Variants in SLC12A9 observed in about 807,000 individuals in gnomAD.
The protein encoded by SLC12A9 is solute carrier family 12 member 9.
SLC12A9 carries 55 observed loss-of-function variants against 66.0 expected under a neutral mutation model. That is an observed-to-expected ratio of 0.83 (90% CI 0.67 to 1.04). The LOEUF (loss-of-function observed/expected upper bound fraction) is 1.04, where lower values mean the gene tolerates loss of function less well. Among genes scored for constraint, SLC12A9 ranks in the 50% least tolerant of loss-of-function variants. The pLI is 0.00. For synonymous variants in SLC12A9, 577 were observed against 569.0 expected (o/e 1.01, Z -0.20); for missense variants, 1,061 against 1,241.9 (o/e 0.85, Z 2.19).
At chr7:100,837,681 A>G (rs1813689678) in intron 1 of SLC12A9, 2 of 152,104 alleles carry the variant, frequency 1.3e-5, no homozygotes, top group Admixed American at 1.3e-4. Context: ...TTTTTTTGAG[A>G]CAGGATCTCT....
At chr7:100,836,093 C>G (rs74579217) in intron 1 of SLC12A9, among the ~76,000 whole-genome samples, 3 of 152,218 alleles carry the variant, frequency 2.0e-5, no homozygotes, top group African/African-American at 7.2e-5. Flanking sequence ...CAAGCCCCCC[C>G]ATGCCAGCAG....
intron 1 of SLC12A9, among the ~76,000 whole-genome samples, chr7:100,845,331 T>C (rs1321842691): frequency 6.6e-6 from 1 of 150,878 alleles, no homozygotes; most frequent in Admixed American, 6.7e-5. Flanking sequence ...GTTGTGTTAT[T>C]GGCGCTATTT....
intron 1 of SLC12A9, chr7:100,837,542 G>C (rs1049456927): frequency 6.6e-6 from 1 of 152,246 alleles, no homozygotes; most frequent in Non-Finnish European, 1.5e-5. Flanking sequence ...CCAGGCCTCC[G>C]ACTGCTGGCG....
chr7:100,831,090 G>A (rs1813534804), intron 1 of SLC12A9, among the ~76,000 whole-genome samples: 1 of 152,220 alleles, frequency 6.6e-6, no homozygotes, highest in South Asian at 2.1e-4. Flanking sequence ...TCCCAGCCCA[G>A]AGCAATATAC....
chr7:100,831,645 T>A (rs574724527), intron 1 of SLC12A9, among the ~76,000 whole-genome samples: 1 of 152,324 alleles, frequency 6.6e-6, no homozygotes, highest in South Asian at 2.1e-4. Context: ...CTAATAAGTT[T>A]ACTTTTTCTT....
intron 1 of SLC12A9, among the ~76,000 whole-genome samples, chr7:100,846,349 G>C (rs536929962): frequency 3.3e-5 from 5 of 151,980 alleles, no homozygotes; most frequent in Non-Finnish European, 7.4e-5. Flanking sequence ...GGTGGATCAC[G>C]AGGTCAGGAG....
chr7:100,843,720 C>CT (rs1231337479), intron 1 of SLC12A9, among the ~76,000 whole-genome samples: 1 of 152,206 alleles, frequency 6.6e-6, no homozygotes, highest in Non-Finnish European at 1.5e-5. Flanking sequence ...ACTTGAATGA[C>CT]TACCAAAGGA....
At chr7:100,851,756 A>G (rs930897919), upstream of SLC12A9, among the ~76,000 whole-genome samples, 1 of 138,770 alleles carries the variant, frequency 7.2e-6, no homozygotes, top group African/African-American at 2.7e-5. Context: ...GCGCCACTGC[A>G]CTCCAGCCTG....
Position 100,858,482 on chromosome 7 carries a change from TGGCAGACTGA to T in SLC12A9, c.758-347_758-338del, listed in dbSNP as rs374963184. The T allele has an allele frequency of 3.3e-3, 644 of 196,992 alleles. 5 individuals carry two copies. The highest frequency in any genetic ancestry group is 0.014 in the African/African-American group (619 of 43,002). The allele number at this position is 196,992 out of a possible 1,614,324, so 12.2% of individuals were successfully genotyped here. A position where few individuals can be genotyped will look rare whatever the true frequency, so the allele number is the denominator to read the frequency against. ...GTGCACACCTGTAGTCCCAGCTACT[TGGCAGACTGA>T]GGCAGGAGGATCGCTCTAGCCCAGG... On this transcript the variant is annotated intron_variant, in intron 5 of 13. Transcript: ENST00000354161.
intron 1 of SLC12A9, among the ~76,000 whole-genome samples, chr7:100,846,770 C>T (rs1008811021): frequency 1.1e-4 from 16 of 152,142 alleles, no homozygotes; most frequent in African/African-American, 3.1e-4. Flanking sequence ...CAATTTCTGC[C>T]TCCAAAGAAA....
intron 1 of SLC12A9, among the ~76,000 whole-genome samples, chr7:100,835,247 T>C (rs1813626303): frequency 6.6e-6 from 1 of 150,516 alleles, no homozygotes; most frequent in Non-Finnish European, 1.5e-5. Flanking sequence ...TCCAGCTACT[T>C]GGGAGGCTGA....
At chr7:100,839,241 C>T (rs888403434) in intron 1 of SLC12A9, among the ~76,000 whole-genome samples, 9 of 151,948 alleles carry the variant, frequency 5.9e-5, no homozygotes, top group Admixed American at 1.3e-4. Context: ...AGGAGAATGG[C>T]GTGAACCCAG....
At chr7:100,842,741 G>C (rs1028380177) in intron 1 of SLC12A9, among the ~76,000 whole-genome samples, 16 of 152,230 alleles carry the variant, frequency 1.1e-4, no homozygotes, top group African/African-American at 3.1e-4. Flanking sequence ...TTAAACAAAA[G>C]CAATTGTTAT....
intron 1 of SLC12A9, among the ~76,000 whole-genome samples, chr7:100,833,932 C>CAAAAAAAAAA (rs60667059): frequency 6.2e-4 from 39 of 63,042 alleles, no homozygotes; most frequent in South Asian, 2.8e-3. Flanking sequence ...GACTCTGTCT[C>CAAAAAAAAAA]AAAAAAAAAA....
In SLC12A9 at chr7:100,861,824, C is replaced by G. The variant is rs377409238; in HGVS notation, c.1624C>G (p.Arg542Gly). 6.2e-7 allele frequency: 1 copy of G among 1,614,030 alleles called. No individual in the cohort carries two copies. Among genetic ancestry groups the G allele is most frequent in the Admixed American group, 1.7e-5 (1 of 60,018 alleles). ...PQLLLLVGNP[R>G]GALPLLRLAN... ...GCTGCTGCTCCTGGTGGGGAACCCCCGGGGCGCCCTGCCTCTGCTGCGGTT... is the reference window on the plus strand; with the variant it reads ...GCTGCTGCTCCTGGTGGGGAACCCCGGGGGCGCCCTGCCTCTGCTGCGGTT... Residue 542 changes from arginine (R) to glycine (G), a missense_variant, in exon 12 of 14, where the codon CGG becomes GGG. By Grantham distance (125) the Arg-to-Gly change is moderately radical. Transcript: ENST00000354161. This position sits in a 1 kb window ranked among gnomAD's most constrained non-coding sequence, Gnocchi z 5.3.
chr7:100,855,973 G>C, intron 4 of SLC12A9, 136 bp downstream of exon 4: 1 of 1,371,274 alleles, frequency 7.3e-7, no homozygotes, highest in Non-Finnish European at 9.7e-7. Context: ...TCTGCTGTGT[G>C]GCCAGCATCG....
chr7:100,859,181 G>T lies in SLC12A9; in HGVS notation c.977+20G>T. Reference sequence around the variant, plus strand: ...TGACAGGTGTCTGGGGAGGGATGGGGGTGGAGTGTCGAACAAGATTGGTGC... The same window carrying T: ...TGACAGGTGTCTGGGGAGGGATGGGTGTGGAGTGTCGAACAAGATTGGTGC... On this transcript the variant is annotated intron_variant, in intron 7 of 13. Coordinates refer to ENST00000354161, the MANE Select transcript of SLC12A9 (RefSeq NM_020246.4). 1 of 1,608,202 alleles carries T rather than the reference G, an allele frequency of 6.2e-7. No homozygotes were observed. The highest frequency in any genetic ancestry group is 8.5e-7 in the Non-Finnish European group (1 of 1,175,202).
chr7:100,836,659 C>T (rs1350919831), intron 1 of SLC12A9, among the ~76,000 whole-genome samples: 2 of 152,162 alleles, frequency 1.3e-5, no homozygotes, highest in Admixed American at 6.5e-5. Context: ...CCTCGGCTCA[C>T]TCCTGGGCCG....
In SLC12A9 at chr7:100,858,848, G is replaced by A; in HGVS notation, c.771G>A (p.Glu257=). 1 of 1,614,186 alleles carries A rather than the reference G, an allele frequency of 6.2e-7. No individual in the cohort carries two copies. Among genetic ancestry groups the A allele is most frequent in the Non-Finnish European group, 8.5e-7 (1 of 1,180,022 alleles). ...GGATCCTCCTAGCTGGCTATGCTGA[G>A]GACTACACCACGGGAGCCGTGATGA... The part of the protein sequence containing the change: ...LKDNLGAGYA[E]DYTTGAVMNF... Residue 257 remains glutamate (E), a synonymous_variant, in exon 6 of 14, where the codon GAG becomes GAA. Transcript: ENST00000354161.
Sources: gnomAD v4.1 joint callset for allele counts (sites outside exome capture counted in the v4.1 genomes callset) on GRCh38, gnomAD v4.1.1 for gene constraint, Gnocchi (gnomAD v3.1) non-coding constraint, MANE v1.5 for transcripts, NCBI Gene and HGNC (gene_info 2026-07-23, HGNC 2026-07-21) for gene names.